Variants in PPP1CA observed in about 807,000 individuals in gnomAD.
The protein encoded by PPP1CA is serine/threonine-protein phosphatase PP1-alpha catalytic subunit.
PPP1CA carries 14 observed loss-of-function variants against 38.5 expected under a neutral mutation model. The ratio of observed to expected loss-of-function variants is 0.36; its 90% CI spans 0.24 to 0.57. PPP1CA has a LOEUF of 0.57. PPP1CA is among the 20% of genes least tolerant of loss of function. PPP1CA has a pLI of 0.80. For missense variants in PPP1CA, 277 were observed against 435.2 expected (o/e 0.64, Z 3.23); for synonymous variants, 200 against 177.3 (o/e 1.13, Z -1.02).
Position 67,398,336 on chromosome 11 carries a change from C to T in PPP1CA, c.*199G>A, listed in dbSNP as rs936044110. ...GCCCCAGGATCCTGCTCACAGTCAC[C>T]GCAGGTGCAGGCAGGAAGCAGCCCT... On this transcript the variant is annotated 3_prime_UTR_variant, in exon 7 of 7. Coordinates refer to ENST00000376745, the MANE Select transcript of PPP1CA (RefSeq NM_002708.4). 52 of 616,912 alleles carry T rather than the reference C, an allele frequency of 8.4e-5. No homozygotes were observed. Among genetic ancestry groups the T allele is most frequent in the African/African-American group, 5.4e-4 (29 of 54,052 alleles). 38.2% of individuals were successfully genotyped at this position (616,912 alleles called of 1,614,324 possible). A position where few individuals can be genotyped will look rare whatever the true frequency, so the allele number is the denominator to read the frequency against.
chr11:67,399,794 T>A, intron 3 of PPP1CA, 129 bp from the exon 4 acceptor site: 1 of 689,456 alleles, frequency 1.5e-6, no homozygotes, highest in Non-Finnish European at 2.6e-6. Context: ...CCCTGCCACC[T>A]GTCAGCCTTC....
Position 67,398,386 on chromosome 11 carries a change from T to G in PPP1CA, c.*149A>C. On this transcript the variant is annotated 3_prime_UTR_variant, in exon 7 of 7. Transcript: ENST00000376745. ...TGGGGGACTGGACGCTGCTATTGAT[T>G]CATTAAAAAAAGAAAAGAAAAATAC... 1.3e-6 allele frequency: 1 copy of G among 775,440 alleles called. No individual in the cohort carries two copies. Among genetic ancestry groups the G allele is most frequent in the Non-Finnish European group, 2.0e-6 (1 of 492,882 alleles). 48.0% of individuals were successfully genotyped at this position (775,440 alleles called of 1,614,324 possible). A position where few individuals can be genotyped will look rare whatever the true frequency, so the allele number is the denominator to read the frequency against.
rs1862871154 is a variant in PPP1CA, at chr11:67,400,776, T to C, written c.331A>G (p.Lys111Glu). The change falls in exon 3 of 7, where the codon AAG (lysine) becomes GAG (glutamate). Residue 111 changes from lysine to glutamate, a missense_variant. Physicochemically the swap from Lys to Glu is moderately conservative, Grantham distance 56. This residue lies in a region of PPP1CA where 180 missense variants were observed against 356.7 expected (regional missense o/e 0.50). Transcript: ENST00000376745. ...AAGAAGTTCTCGGGGTACTTGATCT[T>C]ATAGGCCAGCAGCAGGCAGATGGTC... is the stretch of plus-strand genomic sequence containing the variant. ...LETICLLLAY[K>E]IKYPENFFLL... is the part of the protein sequence containing the mutation. 1.2e-6 allele frequency: 2 copies of C among 1,613,998 alleles called. No homozygotes were observed. Among genetic ancestry groups the C allele is most frequent in the Non-Finnish European group, 1.7e-6 (2 of 1,180,036 alleles).
At chr11:67,400,361 A>C (rs896223036) in intron 3 of PPP1CA, among the ~76,000 whole-genome samples, 1 of 152,234 alleles carries the variant, frequency 6.6e-6, no homozygotes, top group African/African-American at 2.4e-5. Flanking sequence ...GAGCCGGGCC[A>C]AGTCCAGGTC....
chr11:67,399,840 A>C (rs948711552), intron 3 of PPP1CA, among the ~76,000 whole-genome samples, 175 bp from the exon 4 acceptor site: 2 of 152,136 alleles, frequency 1.3e-5, no homozygotes, highest in Non-Finnish European at 2.9e-5. Flanking sequence ...TTTTAATTAA[A>C]GAAGACAGGA....
intron 4 of PPP1CA, among the ~76,000 whole-genome samples, 154 bp downstream of exon 4, chr11:67,399,407 G>A (rs763282715): frequency 5.3e-5 from 8 of 152,220 alleles, no homozygotes; most frequent in Non-Finnish European, 5.9e-5. Context: ...ACTCCATGTA[G>A]GACACACATC....
rs147221671 is a variant in PPP1CA, at chr11:67,398,746, G to A, written c.858C>T (p.Asp286=). 32 of 1,613,880 alleles carry A rather than the reference G, an allele frequency of 2.0e-5. No individual in the cohort carries two copies. The highest frequency in any genetic ancestry group is 1.6e-4 in the Middle Eastern group (1 of 6,062). ...CCTGGAAAGAGCACATGAGGGTCTC[G>A]TCCACACTCATCATGGCGCCAGCAT... ...FDNAGAMMSV[D]ETLMCSFQIL... The change falls in exon 6 of 7, where the codon GAC becomes GAT. Residue 286 remains aspartate, a synonymous_variant. Coordinates refer to ENST00000376745, the MANE Select transcript of PPP1CA (RefSeq NM_002708.4).
intron 1 of PPP1CA, 101 bp from the exon 2 acceptor site, chr11:67,401,300 G>C: frequency 1.9e-5 from 30 of 1,566,040 alleles, no homozygotes; most frequent in Non-Finnish European, 2.6e-5. Context: ...AGGCCTCCTC[G>C]GCCCCTCCTT....
At position 67,400,763 on chromosome 11, in the gene PPP1CA, G is replaced by C. The variant is rs1244315422; in HGVS notation, c.344C>G (p.Pro115Arg). Reference protein sequence around the residue: ...CLLLAYKIKYPENFFLLRGNH... With the variant: ...CLLLAYKIKYRENFFLLRGNH... ...CCCACGGAGCAGGAAGAAGTTCTCG[G>C]GGTACTTGATCTTATAGGCCAGCAG... The change falls in exon 3 of 7, where the codon CCC (proline) becomes CGC (arginine). Residue 115 changes from proline to arginine, a missense_variant. Coordinates refer to ENST00000376745, the MANE Select transcript of PPP1CA (RefSeq NM_002708.4). The C allele has an allele frequency of 1.2e-6, 2 of 1,613,978 alleles. No homozygotes were observed. The highest frequency in any genetic ancestry group is 2.7e-5 in the African/African-American group (2 of 74,942).
Position 67,399,030 on chromosome 11 carries a change from G to A in PPP1CA, c.657C>T (p.Asn219=), listed in dbSNP as rs756403790. 8.1e-6 allele frequency: 13 copies of A among 1,613,420 alleles called. No homozygotes were observed. The highest frequency in any genetic ancestry group is 1.6e-4 in the Middle Eastern group (1 of 6,084). ...CAAAGGTAAAAGAGACGCCACGGTC[G>A]TTCTCGCCCCAGCCCTGCACGTCCT... The part of the protein sequence containing the change: ...PDKDVQGWGE[N]DRGVSFTFGA... The change falls in exon 5 of 7, where the codon AAC becomes AAT. Residue 219 remains asparagine (N), a synonymous_variant. Coordinates refer to ENST00000376745, the MANE Select transcript of PPP1CA (RefSeq NM_002708.4).
Position 67,398,529 on chromosome 11 carries a change from CGGGGG to C in PPP1CA, c.*1_*5del. 2 of 1,612,454 alleles carry C rather than the reference CGGGGG, an allele frequency of 1.2e-6. No homozygotes were observed. Among genetic ancestry groups the C allele is most frequent in the Non-Finnish European group, 8.5e-7 (1 of 1,178,920 alleles). Reference sequence around the variant, plus strand: ...ATCATCTGGGGCACAGGGTGGTGTGCGGGGGCTATTTCTTGGCTTTGGCGGAATTG... The same window carrying C: ...ATCATCTGGGGCACAGGGTGGTGTGCCTATTTCTTGGCTTTGGCGGAATTG... On this transcript the variant is annotated 3_prime_UTR_variant, in exon 7 of 7. Coordinates refer to ENST00000376745, the MANE Select transcript of PPP1CA (RefSeq NM_002708.4).
At position 67,399,443 on chromosome 11, in the gene PPP1CA, G is replaced by A. The variant is rs371515251; in HGVS notation, c.523+118C>T. 324 of 899,040 alleles carry A rather than the reference G, an allele frequency of 3.6e-4. 1 individual carries two copies. The African/African-American group carries it at 4.8e-3, about 13-fold the overall frequency. 55.7% of individuals were successfully genotyped at this position (899,040 alleles called of 1,614,324 possible). On this transcript the variant is annotated intron_variant, in intron 4 of 6. Transcript: ENST00000376745. ...AAGGAAGTGAGTGCAGCCCAGCACA[G>A]TGGGGTATGGGGGACACTTCCTGGA...
chr11:67,398,833 G>C lies in PPP1CA; in HGVS notation c.771C>G (p.Phe257Leu). ...GTGTCACCAGCTGCCGCTTGGCAAAGAACTCGTAGCCGTCTTCTACCACCT... is the reference window on the plus strand; with the variant it reads ...GTGTCACCAGCTGCCGCTTGGCAAACAACTCGTAGCCGTCTTCTACCACCT... ...AHQVVEDGYE[F>L]FAKRQLVTLF... Residue 257 changes from phenylalanine (F) to leucine (L), a missense_variant, in exon 6 of 7, where the codon TTC (phenylalanine) becomes TTG (leucine). Coordinates refer to ENST00000376745, the MANE Select transcript of PPP1CA (RefSeq NM_002708.4). 2 of 1,613,376 alleles carry C rather than the reference G, an allele frequency of 1.2e-6. No individual in the cohort carries two copies. The highest frequency in any genetic ancestry group is 1.7e-6 in the Non-Finnish European group (2 of 1,180,020).
At chr11:67,399,321 T>C (rs1313310327) in intron 4 of PPP1CA, among the ~76,000 whole-genome samples, 158 bp from the exon 5 acceptor site, 2 of 152,164 alleles carry the variant, frequency 1.3e-5, no homozygotes, top group Non-Finnish European at 2.9e-5. Flanking sequence ...CCTCAGCTTT[T>C]TCAAGTTCCC....
In PPP1CA at chr11:67,398,702, C is replaced by T. The variant is rs750309901; in HGVS notation, c.882+20G>A. ...GGCTGAGCCACAGGGCCTAGCGGCT[C>T]CTTTCTTCCCCACACTCACCTGGAA... On this transcript the variant is annotated intron_variant, in intron 6 of 6. Coordinates refer to ENST00000376745, the MANE Select transcript of PPP1CA (RefSeq NM_002708.4). 3.7e-6 allele frequency: 6 copies of T among 1,613,136 alleles called. No individual in the cohort carries two copies. The highest frequency in any genetic ancestry group is 2.2e-5 in the East Asian group (1 of 44,864).
chr11:67,401,778 G>C lies in PPP1CA; in HGVS notation c.5C>G (p.Ser2Cys). 2 of 1,472,746 alleles carry C rather than the reference G, an allele frequency of 1.4e-6. No individual in the cohort carries two copies. Among genetic ancestry groups the C allele is most frequent in the Non-Finnish European group, 1.8e-6 (2 of 1,102,648 alleles). The allele number at this position is 1,472,746 out of a possible 1,614,324, so 91.2% of individuals were successfully genotyped here. A position where few individuals can be genotyped will look rare whatever the true frequency, so the allele number is the denominator to read the frequency against. ...GTCCAGGTTGAGCTTCTCGCTGTCG[G>C]ACATGGCGGCGCCGCCGCTCCAGCC... M[S>C]DSEKLNLDSI... is the part of the protein sequence containing the mutation. The change falls in exon 1 of 7, where the codon TCC (serine) becomes TGC (cysteine). Residue 2 changes from serine to cysteine, a missense_variant. Ser to Cys is a moderately radical substitution (Grantham distance 112). Transcript: ENST00000376745.
rs778001799 is a variant in PPP1CA at position 67,398,716 on chromosome 11, A to G, written c.882+6T>C. ...GCCTAGCGGCTCCTTTCTTCCCCACACTCACCTGGAAAGAGCACATGAGGG... is the reference window on the plus strand; with the variant it reads ...GCCTAGCGGCTCCTTTCTTCCCCACGCTCACCTGGAAAGAGCACATGAGGG... On this transcript the variant is annotated splice_donor_region_variant and intron_variant, in intron 6 of 6. Transcript: ENST00000376745. 1.2e-5 allele frequency: 19 copies of G among 1,612,942 alleles called. No individual in the cohort carries two copies. Among genetic ancestry groups the G allele is most frequent in the African/African-American group, 5.4e-5 (4 of 74,738 alleles).
chr11:67,398,871 G>GAGCAGTCAGTCCCGAGCGCAGGC lies in PPP1CA; in HGVS notation c.748-38_748-16dup, dbSNP rs775166732. On this transcript the variant is annotated splice_polypyrimidine_tract_variant and intron_variant, in intron 5 of 6. Transcript: ENST00000376745. ...TCTTCTACCACCTGGGCGAGGATGGGAGCAGTCAGTCCCGAGCGCAGGCAC... is the reference window on the plus strand; with the variant it reads ...TCTTCTACCACCTGGGCGAGGATGGGAGCAGTCAGTCCCGAGCGCAGGCAGCAGTCAGTCCCGAGCGCAGGCAC... The GAGCAGTCAGTCCCGAGCGCAGGC allele has an allele frequency of 6.2e-7, 1 of 1,612,268 alleles. No individual in the cohort carries two copies. The highest frequency in any genetic ancestry group is 1.7e-5 in the Admixed American group (1 of 60,026).
intron 5 of PPP1CA, 40 bp downstream of exon 5, chr11:67,398,900 C>T: frequency 6.2e-7 from 1 of 1,611,978 alleles, no homozygotes; most frequent in Non-Finnish European, 8.5e-7. Context: ...CAGGCACGGC[C>T]CTCCCCTTCC....
Sources: gnomAD v4.1 joint callset for allele counts (sites outside exome capture counted in the v4.1 genomes callset) on GRCh38, gnomAD v4.1.1 for gene constraint, gnomAD v4.1.1 regional missense constraint, MANE v1.5 for transcripts, NCBI Gene and HGNC (gene_info 2026-07-23, HGNC 2026-07-21) for gene names.